CNNM3: variants seen among roughly 807,000 people sequenced by gnomAD.
The protein encoded by CNNM3 is metal transporter CNNM3.
A neutral mutation model predicts 57.1 loss-of-function variants in CNNM3; 47 were observed. That is an observed-to-expected ratio of 0.82 (90% CI 0.65 to 1.05). The LOEUF is 1.05. CNNM3 is among the 50% of genes least tolerant of loss of function. CNNM3 has a pLI of 0.00. For missense variants in CNNM3, 957 were observed against 973.7 expected (o/e 0.98, Z 0.23); for synonymous variants, 507 against 478.2 (o/e 1.06, Z -0.79).
At chr2:96,824,937 G>T (rs2079472970) in intron 1 of CNNM3, 121 bp from the exon 2 acceptor site, 1 of 1,092,910 alleles carries the variant, frequency 9.1e-7, no homozygotes, top group Non-Finnish European at 1.3e-6. Flanking sequence ...GTGGCTCTGT[G>T]CCTGGCACGT....
intron 7 of CNNM3, among the ~76,000 whole-genome samples, chr2:96,830,224 G>T (rs1463499563): frequency 6.6e-6 from 1 of 152,218 alleles, no homozygotes; most frequent in African/African-American, 2.4e-5. Context: ...GGAGGGAGCT[G>T]CAGGCTTGCC....
At chr2:96,826,158 T>G (rs981068132) in intron 2 of CNNM3, among the ~76,000 whole-genome samples, 1 of 152,360 alleles carries the variant, frequency 6.6e-6, no homozygotes, top group Non-Finnish European at 1.5e-5. Flanking sequence ...AATCCTTGAA[T>G]ACATGCTTTA....
intron 1 of CNNM3, among the ~76,000 whole-genome samples, chr2:96,823,957 T>A (rs985631693): frequency 5.3e-5 from 8 of 152,228 alleles, no homozygotes; most frequent in African/African-American, 1.9e-4. Context: ...AGACAAAATG[T>A]CTATGAATAT....
chr2:96,816,698 G>T lies in CNNM3; in HGVS notation c.421G>T (p.Ala141Ser). Residue 141 changes from alanine (A) to serine (S), a missense_variant, in exon 1 of 8, where the codon GCG (alanine) becomes TCG (serine). Coordinates refer to ENST00000305510, the MANE Select transcript of CNNM3 (RefSeq NM_017623.5). ...GCCGCCCTGGGCTCTGGGCCTGGGG[G>T]CGGCCGGGCTGCTGGCGCTGGCAGC... The part of the protein sequence containing the change: ...AAPPWALGLG[A>S]AGLLALAALA... 1 of 1,015,026 alleles carries T rather than the reference G, an allele frequency of 9.9e-7. No individual in the cohort carries two copies. The highest frequency in any genetic ancestry group is 1.7e-5 in the African/African-American group (1 of 57,448). The allele number at this position is 1,015,026 out of a possible 1,614,324, so 62.9% of individuals were successfully genotyped here. A position where few individuals can be genotyped will look rare whatever the true frequency, so the allele number is the denominator to read the frequency against.
chr2:96,829,833 T>A (rs1472519345), intron 7 of CNNM3, among the ~76,000 whole-genome samples: 4 of 152,094 alleles, frequency 2.6e-5, no homozygotes, highest in African/African-American at 7.2e-5. Flanking sequence ...TAAGTTTAGG[T>A]CACTTTGAGT....
Position 96,816,345 on chromosome 2 carries a change from C to T in CNNM3, c.68C>T (p.Ala23Val). The T allele has an allele frequency of 7.7e-7, 1 of 1,293,052 alleles. No homozygotes were observed. Among genetic ancestry groups the T allele is most frequent in the Non-Finnish European group, 9.8e-7 (1 of 1,020,436 alleles). 80.1% of individuals were successfully genotyped at this position (1,293,052 alleles called of 1,614,324 possible). A position where few individuals can be genotyped will look rare whatever the true frequency, so the allele number is the denominator to read the frequency against. ...TTCGCCGCGCTCTGCCTGGGCAACG[C>T]CGCGGGGGAGGCCGCGCCGGGCCCG... is the stretch of plus-strand genomic sequence containing the variant. ...WLFAALCLGN[A>V]AGEAAPGPRV... is the part of the protein sequence containing the mutation. Residue 23 changes from alanine (A) to valine (V), a missense_variant, in exon 1 of 8, where the codon GCC becomes GTC. Around this residue, in one of 2 missense-constraint regions of CNNM3, gnomAD observed 466 missense variants for 403.1 expected, o/e 1.16. Coordinates refer to ENST00000305510, the MANE Select transcript of CNNM3 (RefSeq NM_017623.5).
intron 3 of CNNM3, 118 bp downstream of exon 3, chr2:96,827,100 G>A (rs2079520841): frequency 8.7e-7 from 1 of 1,145,854 alleles, no homozygotes; most frequent in South Asian, 1.5e-5. Flanking sequence ...GCGTCTTGAG[G>A]ACTTCTGTGT....
chr2:96,817,320 G>C lies in CNNM3; in HGVS notation c.1043G>C (p.Arg348Pro). Reference protein sequence around the residue: ...LASIMQSGHTRIPVYEEERSN... With the variant: ...LASIMQSGHTPIPVYEEERSN... ...AGCATCATGCAGAGCGGCCACACGC[G>C]CATCCCGGTGTACGAGGAGGAGCGC... Residue 348 changes from arginine to proline, a missense_variant, in exon 1 of 8, where the codon CGC becomes CCC. Around this residue, in one of 2 missense-constraint regions of CNNM3, gnomAD observed 491 missense variants for 570.6 expected, o/e 0.86. Transcript: ENST00000305510. 1.2e-6 allele frequency: 2 copies of C among 1,614,022 alleles called. No homozygotes were observed. Among genetic ancestry groups the C allele is most frequent in the Non-Finnish European group, 8.5e-7 (1 of 1,180,038 alleles).
chr2:96,826,865 C>G lies in CNNM3; in HGVS notation c.1402C>G (p.Leu468Val). ...DTVVKRKPAS[L>V]MAPLKRKEEF... ...CGTGGTGAAGAGGAAGCCTGCTTCT[C>G]TGATGGCCCCTCTGAAGCGGAAGGA... Residue 468 changes from leucine (L) to valine (V), a missense_variant, in exon 3 of 8, where the codon CTG becomes GTG. By Grantham distance (32) the Leu-to-Val change is conservative. Transcript: ENST00000305510. The G allele has an allele frequency of 6.2e-7, 1 of 1,614,250 alleles. No individual in the cohort carries two copies. Among genetic ancestry groups the G allele is most frequent in the South Asian group, 1.1e-5 (1 of 91,082 alleles).
At position 96,816,434 on chromosome 2, in the gene CNNM3, G is replaced by T; in HGVS notation, c.157G>T (p.Ala53Ser). 7.1e-7 allele frequency: 1 copy of T among 1,400,440 alleles called. No homozygotes were observed. Among genetic ancestry groups the T allele is most frequent in the Non-Finnish European group, 9.3e-7 (1 of 1,079,236 alleles). The allele number at this position is 1,400,440 out of a possible 1,614,324, so 86.8% of individuals were successfully genotyped here. ...GGGCGCGGGTTGGGTACGCGGAGGGGCGGCGCGGGACACGCCGGACGCCAC... is the reference window on the plus strand; with the variant it reads ...GGGCGCGGGTTGGGTACGCGGAGGGTCGGCGCGGGACACGCCGGACGCCAC... ...AAGAGWVRGG[A>S]ARDTPDATFL... is the part of the protein sequence containing the mutation. The change falls in exon 1 of 8, where the codon GCG becomes TCG. Residue 53 changes from alanine to serine, a missense_variant. By Grantham distance (99) the Ala-to-Ser change is moderately conservative. This residue lies in a region of CNNM3 where 466 missense variants were observed against 403.1 expected (regional missense o/e 1.16). Coordinates refer to ENST00000305510, the MANE Select transcript of CNNM3 (RefSeq NM_017623.5).
chr2:96,837,375 T>C (rs545064721), downstream of CNNM3: 2 of 152,388 alleles, frequency 1.3e-5, no homozygotes, highest in African/African-American at 4.8e-5. Context: ...TCACGTTTTA[T>C]AATTTTCAGC....
chr2:96,821,700 C>T (rs956974571), intron 1 of CNNM3, among the ~76,000 whole-genome samples: 2 of 152,234 alleles, frequency 1.3e-5, no homozygotes, highest in Non-Finnish European at 2.9e-5. Context: ...GTGTTTGATA[C>T]ATCTAACCTA....
chr2:96,829,273 A>G (rs1302143952), intron 7 of CNNM3, 139 bp downstream of exon 7: 1 of 1,176,882 alleles, frequency 8.5e-7, no homozygotes. Context: ...CCTTCTTTAT[A>G]TATATATATC....
chr2:96,822,188 A>G (rs957206308), intron 1 of CNNM3, among the ~76,000 whole-genome samples: 1 of 151,746 alleles, frequency 6.6e-6, no homozygotes, highest in African/African-American at 2.4e-5. Flanking sequence ...TGTTTTTAGG[A>G]GAGATGGAGT....
chr2:96,820,579 G>A (rs28438599), intron 1 of CNNM3, among the ~76,000 whole-genome samples: 1,967 of 152,244 alleles, frequency 0.013, 45 homozygotes, highest in African/African-American at 0.045. Flanking sequence ...CCCGAGATGC[G>A]GAATGTCCTG....
rs762518584 is a variant in CNNM3, at chr2:96,816,293, G to A, written c.16G>A (p.Ala6Thr). Residue 6 changes from alanine to threonine, a missense_variant, in exon 1 of 8, where the codon GCT becomes ACT. Ala to Thr is a moderately conservative substitution (Grantham distance 58, BLOSUM62 0). Around this residue, in one of 2 missense-constraint regions of CNNM3, gnomAD observed 466 missense variants for 403.1 expected, o/e 1.16. Coordinates refer to ENST00000305510, the MANE Select transcript of CNNM3 (RefSeq NM_017623.5). ...GCAGCAGGCGATGGCGGCGGCGGTA[G>A]CTGCGGCGGGTCGGTTAGGCTGGTT... is the stretch of plus-strand genomic sequence containing the variant. MAAAV[A>T]AAGRLGWLFA... 1.5e-6 allele frequency: 2 copies of A among 1,292,352 alleles called. No homozygotes were observed. The highest frequency in any genetic ancestry group is 3.7e-5 in the Admixed American group (1 of 26,852). The allele number at this position is 1,292,352 out of a possible 1,614,324, so 80.1% of individuals were successfully genotyped here.
At chr2:96,818,690 T>C (rs2079361900) in intron 1 of CNNM3, among the ~76,000 whole-genome samples, 1 of 152,226 alleles carries the variant, frequency 6.6e-6, no homozygotes, top group Non-Finnish European at 1.5e-5. Context: ...TGTGGTTTCT[T>C]CTGCAGTCCT....
chr2:96,828,065 C>A, intron 4 of CNNM3, 34 bp from the exon 5 acceptor site: 1 of 1,596,600 alleles, frequency 6.3e-7, no homozygotes, highest in Non-Finnish European at 8.6e-7. Context: ...GGTAATCTGG[C>A]CGCATCTGTT....
intron 1 of CNNM3, among the ~76,000 whole-genome samples, chr2:96,821,549 G>A (rs933927619): frequency 2.0e-5 from 3 of 152,200 alleles, no homozygotes; most frequent in Admixed American, 6.5e-5. Context: ...ATGACGTGCT[G>A]ATTATTTTGT....
Sources: allele counts gnomAD v4.1 joint callset (sites outside exome capture counted in the v4.1 genomes callset), GRCh38; gene constraint gnomAD v4.1.1; regional missense constraint gnomAD v4.1.1; transcripts MANE v1.5; gene names NCBI Gene and HGNC (gene_info 2026-07-23, HGNC 2026-07-21).